ZNF827: variants seen among roughly 807,000 people sequenced by gnomAD.
The protein encoded by ZNF827 is zinc finger protein 827.
ZNF827 carries 13 observed loss-of-function variants against 102.4 expected under a neutral mutation model. The observed-to-expected ratio is 0.13, with a 90% CI of 0.08 to 0.20. ZNF827 has a LOEUF of 0.20. Among genes scored for constraint, ZNF827 ranks in the 10% least tolerant of loss-of-function variants. ZNF827 has a pLI of 1.00. For synonymous variants in ZNF827, 523 were observed against 536.2 expected (o/e 0.98, Z 0.34); for missense variants, 1,103 against 1,344.4 (o/e 0.82, Z 2.81).
Position 145,886,034 on chromosome 4 carries a change from T to C in ZNF827, c.1391A>G (p.Lys464Arg). The C allele has an allele frequency of 1.2e-6, 2 of 1,614,204 alleles. No homozygotes were observed. The highest frequency in any genetic ancestry group is 1.7e-6 in the Non-Finnish European group (2 of 1,180,034). ...TGGGTCTGGGATCTCCTCCTTCACCTTGGCTTCTGTCCTCAGGAAGTGCTG... is the reference window on the plus strand; with the variant it reads ...TGGGTCTGGGATCTCCTCCTTCACCCTGGCTTCTGTCCTCAGGAAGTGCTG... ...CHQHFLRTEA[K>R]VKEEIPDPDV... The change falls in exon 4 of 15, where the codon AAG becomes AGG. Residue 464 changes from lysine to arginine, a missense_variant. Around this residue, in one of 5 missense-constraint regions of ZNF827, gnomAD observed 157 missense variants for 211.7 expected, o/e 0.74. Transcript: ENST00000508784.
intron 3 of ZNF827, among the ~76,000 whole-genome samples, chr4:145,891,539 T>C (rs1750603235): frequency 6.6e-6 from 1 of 152,234 alleles, no homozygotes; most frequent in Non-Finnish European, 1.5e-5. Flanking sequence ...AATTTTTCTG[T>C]ACATGTTTAG....
intron 4 of ZNF827, among the ~76,000 whole-genome samples, chr4:145,877,358 G>C (rs2126787079): frequency 6.6e-6 from 1 of 152,244 alleles, no homozygotes; most frequent in Non-Finnish European, 1.5e-5. Flanking sequence ...CTTTGGGTAA[G>C]AAACTGCCTT....
At chr4:145,855,491 G>A (rs747334224) in intron 5 of ZNF827, among the ~76,000 whole-genome samples, 2 of 152,224 alleles carry the variant, frequency 1.3e-5, no homozygotes, top group South Asian at 2.1e-4. Context: ...TGAAACAAAT[G>A]ATCAGGACAC....
chr4:145,835,335 C>G (rs1212783843), intron 7 of ZNF827: 3 of 152,178 alleles, frequency 2.0e-5, no homozygotes, highest in South Asian at 2.1e-4. Flanking sequence ...AGGCTACCCA[C>G]TCTACATTAC....
At position 145,903,051 on chromosome 4, in the gene ZNF827, A is replaced by G. The variant is rs778479303; in HGVS notation, c.208T>C (p.Ser70Pro). ...CTGCTGGGAGTCGTGCTTCCCAAGG[A>G]GGTGTCCGGGGACGTGGACTGCTCC... ...IQEQSTSPDT[S>P]LGSTTPSSHT... The change falls in exon 2 of 15, where the codon TCC (serine) becomes CCC (proline). Residue 70 changes from serine to proline, a missense_variant. Ser to Pro is a moderately conservative substitution (Grantham distance 74). Around this residue, in one of 5 missense-constraint regions of ZNF827, gnomAD observed 441 missense variants for 458.6 expected, o/e 0.96. Coordinates refer to ENST00000508784, the MANE Select transcript of ZNF827 (RefSeq NM_001306215.2). 4 of 1,614,130 alleles carry G rather than the reference A, an allele frequency of 2.5e-6. No homozygotes were observed. Among genetic ancestry groups the G allele is most frequent in the Non-Finnish European group, 3.4e-6 (4 of 1,180,020 alleles).
rs1401423474 is a variant in ZNF827 at position 145,823,409 on chromosome 4, A to T, written c.2383+13T>A. On this transcript the variant is annotated intron_variant, in intron 8 of 14. Transcript: ENST00000508784. ...AATCAACAGTAGAAGCAAAGCCAAC[A>T]ATGTTTCCATACCTGGAGCTGATAT... The T allele has an allele frequency of 6.2e-7, 1 of 1,608,746 alleles. No individual in the cohort carries two copies. Among genetic ancestry groups the T allele is most frequent in the Non-Finnish European group, 8.5e-7 (1 of 1,176,018 alleles).
chr4:145,864,068 C>T (rs1056536092), intron 5 of ZNF827, among the ~76,000 whole-genome samples: 1 of 151,880 alleles, frequency 6.6e-6, no homozygotes, highest in African/African-American at 2.4e-5. Context: ...GTGGCAGGCA[C>T]CTGTAATCCC....
At chr4:145,910,933 T>C (rs960986802) in intron 1 of ZNF827, among the ~76,000 whole-genome samples, 4 of 152,214 alleles carry the variant, frequency 2.6e-5, no homozygotes, top group Non-Finnish European at 5.9e-5. Context: ...AGGACTTTAT[T>C]TTGGTTGCTG....
At chr4:145,850,970 C>T (rs1400996224) in intron 5 of ZNF827, among the ~76,000 whole-genome samples, 1 of 152,024 alleles carries the variant, frequency 6.6e-6, no homozygotes, top group Non-Finnish European at 1.5e-5. Flanking sequence ...AGGTGGGTCC[C>T]AAATCCAATG....
intron 5 of ZNF827, among the ~76,000 whole-genome samples, chr4:145,868,840 A>G (rs936955198): frequency 1.3e-5 from 2 of 152,226 alleles, no homozygotes; most frequent in African/African-American, 4.8e-5. Context: ...TAAGACTTCA[A>G]GTCACTGGAA....
intron 1 of ZNF827, among the ~76,000 whole-genome samples, chr4:145,917,170 G>A (rs1264441993): frequency 6.6e-6 from 1 of 152,072 alleles, no homozygotes; most frequent in Non-Finnish European, 1.5e-5. Flanking sequence ...CCATTACCCA[G>A]TTCCAGAACC....
At chr4:145,768,323 C>T (rs977621990) in intron 11 of ZNF827, among the ~76,000 whole-genome samples, 1 of 152,048 alleles carries the variant, frequency 6.6e-6, no homozygotes, top group African/African-American at 2.4e-5. Context: ...TGCCATCATG[C>T]CTGGCTAATT....
At chr4:145,788,266 T>C (rs1739177634) in intron 8 of ZNF827, among the ~76,000 whole-genome samples, 2 of 152,208 alleles carry the variant, frequency 1.3e-5, no homozygotes, top group African/African-American at 4.8e-5. Flanking sequence ...GCAGGTCATA[T>C]TAAATCAATA....
At chr4:145,823,270 T>A (rs138135091) in intron 8 of ZNF827, 152 bp downstream of exon 8, 122 of 618,652 alleles carry the variant, frequency 2.0e-4, no homozygotes, top group African/African-American at 1.8e-3. Flanking sequence ...TAAACTTTTG[T>A]AGCTTAAATT....
At chr4:145,903,256 A>C (rs1421384325) in intron 1 of ZNF827, 41 bp from the exon 2 acceptor site, 3 of 1,553,918 alleles carry the variant, frequency 1.9e-6, no homozygotes, top group Non-Finnish European at 2.6e-6. Flanking sequence ...CCCAAAGTGA[A>C]CAATAAGTAA....
Position 145,885,664 on chromosome 4 carries a change from C to A in ZNF827, c.1747+14G>T. 1.4e-6 allele frequency: 2 copies of A among 1,472,592 alleles called. No individual in the cohort carries two copies. Among genetic ancestry groups the A allele is most frequent in the East Asian group, 2.5e-5 (1 of 39,380 alleles). 91.2% of individuals were successfully genotyped at this position (1,472,592 alleles called of 1,614,324 possible). A position where few individuals can be genotyped will look rare whatever the true frequency, so the allele number is the denominator to read the frequency against. ...AGAGAGAGAGAGAGAGAGAATACAA[C>A]CCTATTCAAGTACCTGACAGCTTCA... On this transcript the variant is annotated intron_variant, in intron 4 of 14. Transcript: ENST00000508784.
At chr4:145,828,269 A>G (rs760920521) in intron 7 of ZNF827, among the ~76,000 whole-genome samples, 10 of 152,212 alleles carry the variant, frequency 6.6e-5, no homozygotes, top group Non-Finnish European at 1.2e-4. Context: ...TCAGCTGCCT[A>G]GACTTCAGTC....
intron 7 of ZNF827, among the ~76,000 whole-genome samples, chr4:145,825,966 G>C (rs959398390): frequency 6.6e-6 from 1 of 152,162 alleles, no homozygotes; most frequent in Admixed American, 6.5e-5. Flanking sequence ...TGTTTCTATC[G>C]GGCAAAGAAT....
At chr4:145,895,757 G>A (rs771761644) in intron 2 of ZNF827, among the ~76,000 whole-genome samples, 1 of 152,242 alleles carries the variant, frequency 6.6e-6, no homozygotes, top group East Asian at 1.9e-4. Flanking sequence ...AAGGGAGGAA[G>A]TAAGGTTGTA....
Sources: allele counts gnomAD v4.1 joint callset (sites outside exome capture counted in the v4.1 genomes callset), GRCh38; gene constraint gnomAD v4.1.1; regional missense constraint gnomAD v4.1.1; transcripts MANE v1.5; gene names NCBI Gene and HGNC (gene_info 2026-07-23, HGNC 2026-07-21).